The following PTPRC variants were observed in gnomAD, a reference collection of about 807,000 sequenced individuals.
The protein encoded by PTPRC is protein tyrosine phosphatase receptor type C.
A neutral mutation model predicts 155.9 loss-of-function variants in PTPRC; 44 were observed. The ratio of observed to expected loss-of-function variants is 0.28; its 90% CI spans 0.22 to 0.36. The LOEUF (loss-of-function observed/expected upper bound fraction) is 0.36. PTPRC is among the 10% of genes least tolerant of loss of function. The pLI is 1.00. For synonymous variants in PTPRC, 525 were observed against 533.1 expected, an observed-to-expected ratio of 0.98 and a Z score of 0.21; for missense variants, 1,401 against 1,564.6, an observed-to-expected ratio of 0.90 and a Z score of 1.76.
At chr1:198,656,479 A>G (rs562987486) in intron 2 of PTPRC, among the ~76,000 whole-genome samples, 3 of 151,848 alleles carry the variant, frequency 2.0e-5, no homozygotes, top group East Asian at 1.9e-4. Context: ...TCCCTCCCCT[A>G]CTCAAGTTTT....
At chr1:198,703,622 A>G (rs1421508106) in intron 7 of PTPRC, 5 of 613,552 alleles carry the variant, frequency 8.1e-6, no homozygotes, top group Non-Finnish European at 1.4e-5. Context: ...CACATCTACT[A>G]GAACTTTTTC....
At chr1:198,681,322 G>C (rs1486302948) in intron 2 of PTPRC, among the ~76,000 whole-genome samples, 1 of 152,230 alleles carries the variant, frequency 6.6e-6, no homozygotes, top group African/African-American at 2.4e-5. Flanking sequence ...CAGGGTATCA[G>C]GGAATGTGAC....
At position 198,755,997 on chromosome 1, in the gene PTPRC, T is replaced by C. The variant is rs770664477; in HGVS notation, c.3737T>C (p.Ile1246Thr). The C allele has an allele frequency of 3.1e-6, 5 of 1,613,176 alleles. No individual in the cohort carries two copies. Among genetic ancestry groups the C allele is most frequent in the Admixed American group, 1.7e-5 (1 of 59,888 alleles). Reference sequence around the variant, plus strand: ...AAAAACAACCATCAAGAAGATAAAATTGAATTTGATAATGAAGTGGACAAA... The same window carrying C: ...AAAAACAACCATCAAGAAGATAAAACTGAATTTGATAATGAAGTGGACAAA... The part of the protein sequence containing the change: ...VKKNNHQEDK[I>T]EFDNEVDKVK... The change falls in exon 33 of 33, where the codon ATT (isoleucine) becomes ACT (threonine). Residue 1246 changes from isoleucine (I) to threonine (T), a missense_variant. Physicochemically the swap from Ile to Thr is moderately conservative, Grantham distance 89 (BLOSUM62 -1). Transcript: ENST00000442510.
At chr1:198,642,321 A>G (rs1662631352) in intron 2 of PTPRC, among the ~76,000 whole-genome samples, 1 of 151,910 alleles carries the variant, frequency 6.6e-6, no homozygotes, top group Non-Finnish European at 1.5e-5. Context: ...CTCACACATA[A>G]ACTAGTTATA....
intron 3 of PTPRC, chr1:198,692,956 A>T (rs940482118): frequency 5.4e-6 from 5 of 918,294 alleles, no homozygotes; most frequent in Non-Finnish European, 6.5e-6. Context: ...CATACATAGT[A>T]CATACAAAAT....
chr1:198,650,853 GA>G lies in PTPRC; in HGVS notation c.73+11519del, dbSNP rs372805854. ...AAGATAGTGAGAAGAGGTAGCCAGT[GA>G]AAAAAAGTAGAACTATACTTTGCTT... On this transcript the variant is annotated intron_variant, in intron 2 of 32. Transcript: ENST00000442510. 3.0e-3 allele frequency among the ~76,000 whole-genome samples: 462 copies of G among 151,674 alleles called. 4 individuals are homozygous for G. Among genetic ancestry groups the G allele is most frequent in the African/African-American group, 0.011 (449 of 41,444 alleles).
intron 32 of PTPRC, 105 bp from the exon 33 acceptor site, chr1:198,755,801 C>A (rs1655618317): frequency 8.1e-7 from 1 of 1,240,428 alleles, no homozygotes; most frequent in Non-Finnish European, 1.2e-6. Context: ...TTCTGTCATC[C>A]AATACTTCCA....
intron 2 of PTPRC, among the ~76,000 whole-genome samples, chr1:198,652,648 G>A (rs541757751): frequency 1.3e-5 from 2 of 151,186 alleles, no homozygotes; most frequent in East Asian, 2.0e-4. Flanking sequence ...AGAGGAATCA[G>A]CATCATTGAA....
At chr1:198,733,375 A>G (rs1300234333) in intron 20 of PTPRC, among the ~76,000 whole-genome samples, 1 of 151,822 alleles carries the variant, frequency 6.6e-6, no homozygotes, top group Non-Finnish European at 1.5e-5. Context: ...TAGATAGGTG[A>G]TTGACATATT....
At chr1:198,702,360 CA>C in intron 5 of PTPRC, 26 bp from the exon 6 acceptor site, 1 of 1,614,198 alleles carries the variant, frequency 6.2e-7, no homozygotes, top group Non-Finnish European at 8.5e-7. Flanking sequence ...ACACAAGTGA[CA>C]GTGCTGATGG....
At position 198,742,031 on chromosome 1, in the gene PTPRC, G is replaced by T; in HGVS notation, c.2561+5G>T. ...TCCCATTGTGGTGCACTGCAGGTAGGAAAAACGAACAAAAAAAAAAAACAA... is the reference window on the plus strand; with the variant it reads ...TCCCATTGTGGTGCACTGCAGGTAGTAAAAACGAACAAAAAAAAAAAACAA... On this transcript the variant is annotated splice_donor_5th_base_variant and intron_variant, in intron 24 of 32. Coordinates refer to ENST00000442510, the MANE Select transcript of PTPRC (RefSeq NM_002838.5). The T allele has an allele frequency of 6.3e-7, 1 of 1,598,946 alleles. No individual in the cohort carries two copies.
At chr1:198,751,880 A>G (rs1655400095) in intron 29 of PTPRC, among the ~76,000 whole-genome samples, 1 of 152,060 alleles carries the variant, frequency 6.6e-6, no homozygotes, top group Admixed American at 6.6e-5. Flanking sequence ...AGTTATTGAA[A>G]GGGTCATGAA....
chr1:198,662,935 C>G (rs1235514081), intron 2 of PTPRC, among the ~76,000 whole-genome samples: 3 of 152,166 alleles, frequency 2.0e-5, no homozygotes, highest in East Asian at 1.9e-4. Flanking sequence ...GTTGATGTAA[C>G]TGTGCCATGT....
chr1:198,664,092 T>G (rs968166619), intron 2 of PTPRC, among the ~76,000 whole-genome samples: 1 of 152,078 alleles, frequency 6.6e-6, no homozygotes, highest in Non-Finnish European at 1.5e-5. Context: ...TTTAAGACAA[T>G]GTTTGCTATA....
intron 2 of PTPRC, among the ~76,000 whole-genome samples, chr1:198,647,294 A>T (rs984712548): frequency 6.6e-6 from 1 of 151,810 alleles, no homozygotes; most frequent in Non-Finnish European, 1.5e-5. Flanking sequence ...GCAACTGGTG[A>T]GCTCATGTAG....
intron 2 of PTPRC, among the ~76,000 whole-genome samples, chr1:198,650,101 A>G (rs1178474691): frequency 1.3e-5 from 2 of 151,834 alleles, no homozygotes; most frequent in Non-Finnish European, 2.9e-5. Flanking sequence ...GGTAGGTTCG[A>G]GGCACAGAAA....
chr1:198,692,617 A>G, intron 3 of PTPRC: 1 of 1,006,006 alleles, frequency 9.9e-7, no homozygotes, highest in African/African-American at 1.7e-5. Flanking sequence ...ACTTTTCCCA[A>G]ACTTGACAGT....
At chr1:198,697,288 A>G (rs1666251635) in intron 4 of PTPRC, among the ~76,000 whole-genome samples, 1 of 152,184 alleles carries the variant, frequency 6.6e-6, no homozygotes, top group South Asian at 2.1e-4. Context: ...GGTGTCTTAA[A>G]TGGGAGTCTT....
At position 198,731,726 on chromosome 1, in the gene PTPRC, G is replaced by A; in HGVS notation, c.1974G>A (p.Gln658=). ...GAAGACTTTTTCTGGCTGAATTTCA[G>A]GTGTGTGTTGCTTTTGTTATATGAT... ...DEGRLFLAEF[Q]SIPRVFSKFP... The change falls in exon 18 of 33, where the codon CAG becomes CAA. Residue 658 remains glutamine (Q), a splice_region_variant and synonymous_variant. Transcript: ENST00000442510. 6.3e-7 allele frequency: 1 copy of A among 1,583,778 alleles called. No individual in the cohort carries two copies. Among genetic ancestry groups the A allele is most frequent in the African/African-American group, 1.3e-5 (1 of 74,218 alleles).
Sources: gnomAD v4.1 joint callset for allele counts (sites outside exome capture counted in the v4.1 genomes callset) on GRCh38, gnomAD v4.1.1 for gene constraint, MANE v1.5 for transcripts, NCBI Gene and HGNC (gene_info 2026-07-23, HGNC 2026-07-21) for gene names.